Variants in PRKN observed in about 807,000 individuals in gnomAD.
PRKN encodes the protein E3 ubiquitin-protein ligase parkin.
PRKN carries 56 observed loss-of-function variants against 59.5 expected under a neutral mutation model. That is an observed-to-expected ratio of 0.94 (90% CI 0.76 to 1.18). PRKN has a LOEUF of 1.18. PRKN is among the 50% of genes most tolerant of loss of function. PRKN has a pLI of 0.00. For synonymous variants in PRKN, 250 were observed against 222.1 expected (o/e 1.13, Z -1.12); for missense variants, 657 against 596.4 (o/e 1.10, Z -1.06).
chr6:162,637,453 C>G (rs1053310783), intron 1 of PRKN, among the ~76,000 whole-genome samples: 3 of 152,062 alleles, frequency 2.0e-5, no homozygotes, highest in African/African-American at 7.2e-5. Flanking sequence ...AGGGAGAGAT[C>G]AAAGTCTTAC....
intron 6 of PRKN, among the ~76,000 whole-genome samples, chr6:161,820,456 A>G (rs1396623511): frequency 6.0e-5 from 9 of 149,050 alleles, no homozygotes; most frequent in African/African-American, 2.2e-4. Flanking sequence ...ATTTTCATTT[A>G]TAATGTTAAA....
chr6:162,387,337 T>C (rs1364466663), intron 2 of PRKN, among the ~76,000 whole-genome samples: 2 of 152,020 alleles, frequency 1.3e-5, no homozygotes, highest in Non-Finnish European at 2.9e-5. Context: ...CTTATTTTTT[T>C]CCTTAGTAAT....
rs572456381 is a variant in PRKN at position 162,360,608 on chromosome 6, A to C, written c.171+82702T>G. Among the ~76,000 whole-genome samples, 8 of 152,330 alleles carry C rather than the reference A, an allele frequency of 5.3e-5. No homozygotes were observed. In the South Asian group the frequency reaches 1.7e-3, roughly 32 times the overall value. ...CTTTAAAAAACAAACAAAAAAACCAAAAAACAAAAAACCTACAAACACAAA... is the reference window on the plus strand; with the variant it reads ...CTTTAAAAAACAAACAAAAAAACCACAAAACAAAAAACCTACAAACACAAA... On this transcript the variant is annotated intron_variant, in intron 2 of 11. Transcript: ENST00000366898.
chr6:162,596,656 T>A (rs1781505810), intron 1 of PRKN, among the ~76,000 whole-genome samples: 1 of 152,206 alleles, frequency 6.6e-6, no homozygotes, highest in African/African-American at 2.4e-5. Context: ...CATTTTATAT[T>A]AATGGTGGAA....
Position 161,463,538 on chromosome 6 carries a change from T to G in PRKN, c.1084-76661A>C. Reference sequence around the variant, plus strand: ...GGTTGGAGGGATCTTTACATCAACCTACACTATACCTACCAGATGCTTTCT... The same window carrying G: ...GGTTGGAGGGATCTTTACATCAACCGACACTATACCTACCAGATGCTTTCT... On this transcript the variant is annotated intron_variant, in intron 9 of 11. Transcript: ENST00000366898. The surrounding 1 kb of genome is among the most constrained non-coding windows in gnomAD (Gnocchi z 4.8). 6.6e-6 allele frequency among the ~76,000 whole-genome samples: 1 copy of G among 152,216 alleles called. No individual in the cohort carries two copies. Among genetic ancestry groups the G allele is most frequent in the East Asian group, 1.9e-4 (1 of 5,190 alleles).
intron 7 of PRKN, among the ~76,000 whole-genome samples, chr6:161,759,116 G>C (rs1002302810): frequency 6.6e-6 from 1 of 151,876 alleles, no homozygotes; most frequent in Non-Finnish European, 1.5e-5. Flanking sequence ...GGCAGAGGTT[G>C]CAGTGAGCTG....
chr6:161,452,012 G>C (rs1416655999), intron 9 of PRKN, among the ~76,000 whole-genome samples: 4 of 150,866 alleles, frequency 2.7e-5, no homozygotes, highest in Non-Finnish European at 5.9e-5. Flanking sequence ...CTGGAGTGCA[G>C]TGGCATGATC....
At chr6:162,533,399 G>A (rs1778590977) in intron 1 of PRKN, among the ~76,000 whole-genome samples, 1 of 152,084 alleles carries the variant, frequency 6.6e-6, no homozygotes. Flanking sequence ...ATGGTGGCAG[G>A]GGCCTGTAAT....
intron 1 of PRKN, among the ~76,000 whole-genome samples, chr6:162,444,158 C>T (rs2128168080): frequency 6.6e-6 from 1 of 152,262 alleles, no homozygotes; most frequent in African/African-American, 2.4e-5. Flanking sequence ...ACTGCACCTG[C>T]TGTCCCACCT....
chr6:162,549,639 CTTT>C lies in PRKN; in HGVS notation c.8-106169_8-106167del, dbSNP rs10553695. 5.9e-3 allele frequency among the ~76,000 whole-genome samples: 721 copies of C among 122,554 alleles called. 2 individuals are homozygous for C. Among genetic ancestry groups the C allele is most frequent in the African/African-American group, 0.013 (406 of 32,090 alleles). The allele number at this position is 122,554 out of a possible 152,430, so 80.4% of individuals were successfully genotyped here. ...ACTAATAGTAATAGAATGCGATAAT[CTTT>C]TTTTTTTTTTTTTTTTGACCGAGTC... On this transcript the variant is annotated intron_variant, in intron 1 of 11. Transcript: ENST00000366898.
Position 162,488,034 on chromosome 6 carries a change from T to G in PRKN, c.8-44561A>C, listed in dbSNP as rs112576347. ...ACTACATCCACCATTTCCCTTTTTT[T>G]TTTTTTTTTTTTTTTTTTGGCGGAG... On this transcript the variant is annotated intron_variant, in intron 1 of 11. Transcript: ENST00000366898. Among the ~76,000 whole-genome samples, 4 of 94,592 alleles carry G rather than the reference T, an allele frequency of 4.2e-5. No individual in the cohort carries two copies. The East Asian group carries it at 1.2e-3, about 28-fold the overall frequency. The allele number at this position is 94,592 out of a possible 152,430, so 62.1% of individuals were successfully genotyped here. A position where few individuals can be genotyped will look rare whatever the true frequency, so the allele number is the denominator to read the frequency against.
intron 1 of PRKN, among the ~76,000 whole-genome samples, chr6:162,497,119 A>G (rs1331416627): frequency 5.9e-5 from 9 of 152,206 alleles, no homozygotes; most frequent in African/African-American, 2.2e-4. Context: ...CTCAGTTCAT[A>G]TATCAACTCT....
intron 2 of PRKN, among the ~76,000 whole-genome samples, chr6:162,300,230 A>G (rs547903639): frequency 6.6e-5 from 10 of 151,846 alleles, no homozygotes; most frequent in African/African-American, 2.2e-4. Flanking sequence ...GCCTTTAAAA[A>G]CTTATTTCTG....
At chr6:161,505,367 GGGTT>G (rs372552256) in intron 9 of PRKN, among the ~76,000 whole-genome samples, 24,331 of 88,552 alleles carry the variant, frequency 0.27, 2,247 homozygotes, top group Middle Eastern at 0.46. Flanking sequence ...CTCTTTGATG[GGGTT>G]GTTTGTTTTT....
chr6:161,985,231 T>C (rs894626150), intron 5 of PRKN, among the ~76,000 whole-genome samples: 2 of 152,224 alleles, frequency 1.3e-5, no homozygotes, highest in African/African-American at 2.4e-5. Flanking sequence ...CTGTTCTTTC[T>C]CTCCTTTAGA....
chr6:162,417,507 T>C (rs1341040491), intron 2 of PRKN, among the ~76,000 whole-genome samples: 1 of 152,192 alleles, frequency 6.6e-6, no homozygotes, highest in Admixed American at 6.5e-5. Context: ...ATATGTAAAG[T>C]AGAAAAGGAG....
intron 2 of PRKN, among the ~76,000 whole-genome samples, chr6:162,355,135 G>C (rs1260167632): frequency 6.6e-6 from 1 of 150,528 alleles, no homozygotes; most frequent in Non-Finnish European, 1.5e-5. Context: ...TGTTTTCATA[G>C]AATTAGAGAA....
At chr6:162,125,602 C>G (rs73783418) in intron 4 of PRKN, among the ~76,000 whole-genome samples, 2 of 152,098 alleles carry the variant, frequency 1.3e-5, no homozygotes, top group Admixed American at 1.3e-4. Context: ...CTTGTCTTTA[C>G]CCACCCAACT....
chr6:162,011,886 C>T (rs995775477), intron 5 of PRKN, among the ~76,000 whole-genome samples: 1 of 96,486 alleles, frequency 1.0e-5, no homozygotes, highest in African/African-American at 5.1e-5. Context: ...GAAAATTGTA[C>T]TATAAATGCT....
Sources: gnomAD v4.1 joint callset for allele counts (sites outside exome capture counted in the v4.1 genomes callset) on GRCh38, gnomAD v4.1.1 for gene constraint, Gnocchi (gnomAD v3.1) non-coding constraint, MANE v1.5 for transcripts, NCBI Gene and HGNC (gene_info 2026-07-23, HGNC 2026-07-21) for gene names.